DNAH8: variants seen among roughly 807,000 people sequenced by gnomAD.
DNAH8 encodes the protein axonemal beta dynein heavy chain 8.
DNAH8 carries 382 observed loss-of-function variants against 562.1 expected under a neutral mutation model. That is an observed-to-expected ratio of 0.68 (90% CI 0.63 to 0.74). DNAH8 has a LOEUF of 0.74. Ranked by LOEUF, DNAH8 falls within the 30% of genes least tolerant of loss-of-function variation. The pLI is 0.00. For missense variants in DNAH8, 5,203 were observed against 5,620.4 expected, an observed-to-expected ratio of 0.93 and a Z score of 2.37; for synonymous variants, 1,881 against 1,919.4, an observed-to-expected ratio of 0.98 and a Z score of 0.52.
intron 4 of DNAH8, among the ~76,000 whole-genome samples, chr6:38,730,995 T>C (rs1763622707): frequency 1.3e-5 from 2 of 152,184 alleles, no homozygotes; most frequent in African/African-American, 4.8e-5. Context: ...CAGATCCCTA[T>C]CTCATTTACA....
intron 89 of DNAH8, among the ~76,000 whole-genome samples, chr6:39,010,877 T>C (rs1366478146): frequency 1.3e-5 from 2 of 151,598 alleles, no homozygotes; most frequent in Non-Finnish European, 2.9e-5. Flanking sequence ...CATATACATA[T>C]GCTGTTCAGC....
At position 38,863,520 on chromosome 6, in the gene DNAH8, A is replaced by G. The variant is rs534643036; in HGVS notation, c.6311-353A>G. Among the ~76,000 whole-genome samples the G allele has an allele frequency of 3.9e-5, 6 of 152,232 alleles. No individual in the cohort carries two copies. The South Asian group carries it at 1.2e-3, about 32-fold the overall frequency. On this transcript the variant is annotated intron_variant, in intron 44 of 92. Transcript: ENST00000327475. The stretch of plus-strand genomic sequence containing the variant: ...ACACAACAACAACAACAACAACAAC[A>G]ACAAACAAAACAACCATCCCCAAAC...
At chr6:38,772,161 T>C (rs1197237940) in intron 12 of DNAH8, among the ~76,000 whole-genome samples, 4 of 151,566 alleles carry the variant, frequency 2.6e-5, no homozygotes, top group Admixed American at 6.6e-5. Flanking sequence ...CCCGAGTAGC[T>C]GGGACTACAG....
Position 38,940,007 on chromosome 6 carries a change from A to G in DNAH8, c.12007+1019A>G, listed in dbSNP as rs984263235. Among the ~76,000 whole-genome samples, 5 of 152,202 alleles carry G rather than the reference A, an allele frequency of 3.3e-5. No individual in the cohort carries two copies. In the South Asian group the frequency reaches 6.2e-4, roughly 19 times the overall value. ...GGCATACTGAGAAATAGAGCTGGAC[A>G]TGTAAACTGGTGACATACTGTGGAG... On this transcript the variant is annotated intron_variant, in intron 79 of 92. Transcript: ENST00000327475.
intron 86 of DNAH8, among the ~76,000 whole-genome samples, chr6:38,982,846 A>G (rs1258785346): frequency 6.6e-6 from 1 of 152,188 alleles, no homozygotes; most frequent in Non-Finnish European, 1.5e-5. Flanking sequence ...TCACTTCTTA[A>G]CTGCTCAGCT....
chr6:38,958,305 G>C (rs989470686), intron 82 of DNAH8, among the ~76,000 whole-genome samples: 8 of 150,950 alleles, frequency 5.3e-5, no homozygotes, highest in African/African-American at 1.9e-4. Flanking sequence ...GCGCCCGGCC[G>C]ATAGAAATTT....
chr6:38,853,811 C>T (rs1304349145), intron 41 of DNAH8, among the ~76,000 whole-genome samples: 1 of 152,046 alleles, frequency 6.6e-6, no homozygotes, highest in East Asian at 1.9e-4. Context: ...TACAGTTAGG[C>T]AAAATCTTCT....
chr6:38,979,075 G>T (rs929941862), intron 85 of DNAH8, among the ~76,000 whole-genome samples: 1 of 152,242 alleles, frequency 6.6e-6, no homozygotes, highest in African/African-American at 2.4e-5. Flanking sequence ...TCTGTCTGCA[G>T]CCTTTTTCTC....
chr6:38,906,383 T>G lies in DNAH8; in HGVS notation c.9324T>G (p.Leu3108=). ...EIKDEAFLEY[L]NNLLSSGEIS... The stretch of plus-strand genomic sequence containing the variant: ...AAGATGAGGCATTTCTAGAATACCT[T>G]AACAACTTGCTATCTTCAGGGGAGG... The change falls in exon 63 of 93, where the codon CTT becomes CTG. Residue 3108 remains leucine, a synonymous_variant. Transcript: ENST00000327475. 6.2e-7 allele frequency: 1 copy of G among 1,607,476 alleles called. No individual in the cohort carries two copies. The highest frequency in any genetic ancestry group is 1.3e-5 in the African/African-American group (1 of 74,826).
intron 57 of DNAH8, among the ~76,000 whole-genome samples, chr6:38,888,096 C>T (rs1779086471): frequency 6.7e-6 from 1 of 150,360 alleles, no homozygotes. Context: ...GCCTCGGGCT[C>T]CCAAAGTGCT....
intron 87 of DNAH8, 170 bp downstream of exon 87, chr6:38,984,477 C>T: frequency 3.6e-6 from 2 of 558,008 alleles, no homozygotes; most frequent in Non-Finnish European, 6.5e-6. Flanking sequence ...CATGCACACA[C>T]ACACACACAC....
In DNAH8 at chr6:38,819,360, G is replaced by T. The variant is rs528868731; in HGVS notation, c.3524-3478G>T. Among the ~76,000 whole-genome samples the T allele has an allele frequency of 5.9e-5, 9 of 152,260 alleles. 1 individual carries two copies. The East Asian group carries it at 1.5e-3, about 26-fold the overall frequency. ...GTACCTAGAGAGGACTAATCTATTG[G>T]TAACATTCTATTCTTAACTTGGTGG... On this transcript the variant is annotated intron_variant, in intron 26 of 92. Coordinates refer to ENST00000327475, the MANE Select transcript of DNAH8 (RefSeq NM_001206927.2).
chr6:38,912,238 G>A (rs1306774205), intron 66 of DNAH8, among the ~76,000 whole-genome samples: 4 of 152,136 alleles, frequency 2.6e-5, no homozygotes, highest in Non-Finnish European at 2.9e-5. Context: ...CAACGCAAGC[G>A]GATCACTTGA....
chr6:38,838,329 T>A (rs1774475067), intron 33 of DNAH8, among the ~76,000 whole-genome samples: 1 of 152,342 alleles, frequency 6.6e-6, no homozygotes, highest in South Asian at 2.1e-4. Context: ...ATAGTGTCAG[T>A]GATTATGCAG....
At chr6:38,715,942 A>ATTT (rs1762272650) in intron 1 of DNAH8, among the ~76,000 whole-genome samples, 1 of 13,694 alleles carries the variant, frequency 7.3e-5, no homozygotes, top group African/African-American at 2.9e-4. Context: ...ATATATATAT[A>ATTT]TATATATATA....
chr6:38,958,087 C>T (rs578043024), intron 82 of DNAH8, among the ~76,000 whole-genome samples: 16 of 145,552 alleles, frequency 1.1e-4, no homozygotes, highest in African/African-American at 3.8e-4. Context: ...CTGCAAGCTC[C>T]GCCTCCTGGG....
intron 28 of DNAH8, among the ~76,000 whole-genome samples, chr6:38,823,978 A>G (rs1173403477): frequency 6.6e-6 from 1 of 152,204 alleles, no homozygotes; most frequent in Non-Finnish European, 1.5e-5. Context: ...GACACACTAC[A>G]CAGGACGATT....
At chr6:39,014,885 G>C (rs575020469) in intron 91 of DNAH8, among the ~76,000 whole-genome samples, 11 of 152,140 alleles carry the variant, frequency 7.2e-5, no homozygotes, top group Non-Finnish European at 1.6e-4. Flanking sequence ...TGAGGGACTG[G>C]AATATGGAGG....
At chr6:38,738,041 C>G (rs1325795688) in intron 7 of DNAH8, 69 bp downstream of exon 7, 2 of 1,498,788 alleles carry the variant, frequency 1.3e-6, no homozygotes, top group Non-Finnish European at 9.2e-7. Context: ...TGTATTTTGT[C>G]TCTAACAGCA....
Sources: gnomAD v4.1 joint callset for allele counts (sites outside exome capture counted in the v4.1 genomes callset) on GRCh38, gnomAD v4.1.1 for gene constraint, MANE v1.5 for transcripts, NCBI Gene and HGNC (gene_info 2026-07-23, HGNC 2026-07-21) for gene names.